DSCAM: variants seen among roughly 807,000 people sequenced by gnomAD.
DSCAM encodes cell adhesion molecule DSCAM.
A neutral mutation model predicts 217.7 loss-of-function variants in DSCAM; 47 were observed. The ratio of observed to expected loss-of-function variants is 0.22; its 90% confidence interval spans 0.17 to 0.28. The LOEUF is 0.28. DSCAM is among the 10% of genes least tolerant of loss of function. DSCAM has a pLI of 1.00. For missense variants in DSCAM, 2,080 were observed against 2,618.3 expected (o/e 0.79, Z 4.49); for synonymous variants, 1,056 against 1,015.3 (o/e 1.04, Z -0.76).
intron 8 of DSCAM, among the ~76,000 whole-genome samples, chr21:40,330,133 C>T (rs540535737): frequency 4.0e-5 from 6 of 151,214 alleles, no homozygotes; most frequent in African/African-American, 7.3e-5. Flanking sequence ...ACAGGAAATA[C>T]GTATCACTTT....
intron 9 of DSCAM, among the ~76,000 whole-genome samples, chr21:40,300,348 G>A (rs1022255903): frequency 8.5e-5 from 13 of 152,112 alleles, no homozygotes; most frequent in South Asian, 8.3e-4. Context: ...TTTTTATCAG[G>A]TGCTGATGAT....
chr21:40,591,151 G>A (rs2076981742), intron 3 of DSCAM, among the ~76,000 whole-genome samples: 1 of 152,094 alleles, frequency 6.6e-6, no homozygotes, highest in South Asian at 2.1e-4. Context: ...TCTCCTTCCT[G>A]CCACCTTGTG....
intron 30 of DSCAM, among the ~76,000 whole-genome samples, chr21:40,050,278 C>T (rs975606902): frequency 4.3e-4 from 66 of 152,334 alleles, no homozygotes; most frequent in Admixed American, 4.1e-3. Context: ...TTTGCCTGCT[C>T]TTCTGCCACC....
intron 15 of DSCAM, among the ~76,000 whole-genome samples, chr21:40,175,363 C>T (rs555934384): frequency 6.6e-6 from 1 of 152,326 alleles, no homozygotes; most frequent in Admixed American, 6.5e-5. Context: ...ATCCCCCTGC[C>T]TCAGCCTCCC....
chr21:40,297,048 A>G (rs770182990), intron 9 of DSCAM, among the ~76,000 whole-genome samples: 13 of 152,234 alleles, frequency 8.5e-5, no homozygotes, highest in Admixed American at 2.0e-4. Context: ...TCTGGTGAGA[A>G]CACATAGTCC....
chr21:40,797,597 A>G (rs1458305115), intron 1 of DSCAM, among the ~76,000 whole-genome samples: 4 of 152,228 alleles, frequency 2.6e-5, no homozygotes, highest in Non-Finnish European at 5.9e-5. Context: ...TGCAAAATGT[A>G]CATTTTAAAT....
intron 1 of DSCAM, among the ~76,000 whole-genome samples, chr21:40,845,608 TTCTCTC>T (rs376598490): frequency 6.8e-6 from 1 of 147,550 alleles, no homozygotes; most frequent in South Asian, 2.3e-4. Flanking sequence ...CCTCCTCTCT[TTCTCTC>T]TCTCTCTCTC....
At chr21:40,655,988 G>C (rs1469373657) in intron 3 of DSCAM, among the ~76,000 whole-genome samples, 2 of 152,068 alleles carry the variant, frequency 1.3e-5, no homozygotes, top group Non-Finnish European at 2.9e-5. Flanking sequence ...GGAGGTGGAG[G>C]TTGCAGTGAG....
At chr21:40,386,241 C>T (rs2075083735) in intron 3 of DSCAM, among the ~76,000 whole-genome samples, 2 of 152,158 alleles carry the variant, frequency 1.3e-5, no homozygotes, top group African/African-American at 4.8e-5. Flanking sequence ...TTTTTCATTG[C>T]AAAGCAATTC....
chr21:40,479,968 T>C (rs774104241), intron 3 of DSCAM, among the ~76,000 whole-genome samples: 20 of 152,322 alleles, frequency 1.3e-4, no homozygotes, highest in Middle Eastern at 6.8e-3. Flanking sequence ...AGGTAAATGA[T>C]AGCAACATGT....
intron 3 of DSCAM, among the ~76,000 whole-genome samples, chr21:40,673,285 G>T (rs1037972073): frequency 2.2e-5 from 1 of 45,574 alleles, no homozygotes; most frequent in Non-Finnish European, 7.2e-5. Flanking sequence ...AGATAAAAAT[G>T]ATGCCCCCCC....
intron 8 of DSCAM, among the ~76,000 whole-genome samples, chr21:40,334,813 A>G (rs1001166539): frequency 6.6e-6 from 1 of 152,080 alleles, no homozygotes; most frequent in Non-Finnish European, 1.5e-5. Flanking sequence ...TTGCCTGGCT[A>G]AAAGCATCCT....
chr21:40,832,724 A>T (rs1207972330), intron 1 of DSCAM, among the ~76,000 whole-genome samples: 1 of 152,158 alleles, frequency 6.6e-6, no homozygotes, highest in East Asian at 1.9e-4. Context: ...ATAAAGGGAG[A>T]AAAAGTGATA....
chr21:40,478,255 T>A (rs2075953950), intron 3 of DSCAM, among the ~76,000 whole-genome samples: 1 of 152,220 alleles, frequency 6.6e-6, no homozygotes, highest in Non-Finnish European at 1.5e-5. Context: ...TTGGGGGAAT[T>A]TGCATAGTTT....
intron 3 of DSCAM, among the ~76,000 whole-genome samples, chr21:40,580,553 C>CAGACT (rs979979784): frequency 6.6e-6 from 1 of 151,408 alleles, no homozygotes; most frequent in Non-Finnish European, 1.5e-5. Context: ...AAAAACAAAA[C>CAGACT]AGACTACTGA....
chr21:40,593,898 C>T (rs1404053476), intron 3 of DSCAM, among the ~76,000 whole-genome samples: 1 of 152,134 alleles, frequency 6.6e-6, no homozygotes, highest in Admixed American at 6.5e-5. Context: ...AGATGTTTTC[C>T]GCTAAATCTC....
At chr21:40,648,292 G>A (rs1225528060) in intron 3 of DSCAM, among the ~76,000 whole-genome samples, 1 of 116,218 alleles carries the variant, frequency 8.6e-6, no homozygotes, top group Non-Finnish European at 2.0e-5. Flanking sequence ...CTCACACACT[G>A]CTCAGCAAGT....
At chr21:40,795,349 C>T (rs959600721) in intron 1 of DSCAM, among the ~76,000 whole-genome samples, 15 of 122,894 alleles carry the variant, frequency 1.2e-4, no homozygotes, top group Non-Finnish European at 2.1e-4. Flanking sequence ...CATATACTAC[C>T]CACAATTTTT....
chr21:40,842,842 G>C (rs568929912), intron 1 of DSCAM, among the ~76,000 whole-genome samples: 1 of 152,264 alleles, frequency 6.6e-6, no homozygotes, highest in South Asian at 2.1e-4. Context: ...AATGACAAAG[G>C]AGAGAGTCAA....
Sources: allele counts gnomAD v4.1 joint callset (sites outside exome capture counted in the v4.1 genomes callset), GRCh38; gene constraint gnomAD v4.1.1; transcripts MANE v1.5; gene names NCBI Gene and HGNC (gene_info 2026-07-23, HGNC 2026-07-21).